Variants in PSMC2 observed in about 807,000 individuals in gnomAD.
PSMC2 encodes the protein proteasome 26S subunit, ATPase 2, also known as 26S proteasome regulatory subunit 7.
Under a neutral mutation model 53.3 loss-of-function variants are expected in PSMC2, and 7 were observed. The ratio of observed to expected loss-of-function variants is 0.13; its 90% CI spans 0.07 to 0.25. The LOEUF (loss-of-function observed/expected upper bound fraction) is 0.25, where lower values mean the gene tolerates loss of function less well. PSMC2 is among the 10% of genes least tolerant of loss of function. The pLI is 1.00. For missense variants in PSMC2, 241 were observed against 544.0 expected, an observed-to-expected ratio of 0.44 and a Z score of 5.54; for synonymous variants, 169 against 183.9, an observed-to-expected ratio of 0.92 and a Z score of 0.66.
chr7:103,348,418 A>T (rs1241993788), intron 1 of PSMC2, among the ~76,000 whole-genome samples: 1 of 152,182 alleles, frequency 6.6e-6, no homozygotes, highest in African/African-American at 2.4e-5. Flanking sequence ...CTTGATTTTT[A>T]AAAAATTAAT....
chr7:103,361,191 A>C (rs1820371466), intron 4 of PSMC2, among the ~76,000 whole-genome samples: 1 of 148,064 alleles, frequency 6.8e-6, no homozygotes, highest in Non-Finnish European at 1.5e-5. Context: ...AACAATAAAA[A>C]TGGATTTAAA....
intron 2 of PSMC2, among the ~76,000 whole-genome samples, 194 bp downstream of exon 2, chr7:103,354,152 C>G (rs1274459288): frequency 3.3e-5 from 5 of 152,086 alleles, no homozygotes; most frequent in Non-Finnish European, 7.4e-5. Flanking sequence ...AATGAAGTTA[C>G]CTACCTAAAG....
rs576073914 is a variant in PSMC2 at position 103,352,825 on chromosome 7, C to T, written c.71-1096C>T. On this transcript the variant is annotated intron_variant, in intron 1 of 11. Transcript: ENST00000292644. ...GTCACCCCACTAACAGATTCCAGAG[C>T]TGGCATTCAAACCCTGTCCACCTGG... 1.9e-5 allele frequency: 15 copies of T among 780,566 alleles called. No individual in the cohort carries two copies. The African/African-American group carries it at 2.5e-4, about 13-fold the overall frequency. 48.4% of individuals were successfully genotyped at this position (780,566 alleles called of 1,614,324 possible). A position where few individuals can be genotyped will look rare whatever the true frequency, so the allele number is the denominator to read the frequency against.
At chr7:103,347,593 TA>T, upstream of PSMC2, 1 of 1,173,502 alleles carries the variant, frequency 8.5e-7, no homozygotes, top group Non-Finnish European at 1.3e-6. Context: ...AAGCACTGCA[TA>T]AAGGGGTCTG....
chr7:103,361,510 CAAA>C (rs759044767), intron 4 of PSMC2, among the ~76,000 whole-genome samples: 5,475 of 51,086 alleles, frequency 0.11, 138 homozygotes, highest in African/African-American at 0.17. Flanking sequence ...AACTCCATCT[CAAA>C]AAAAAAAAAA....
chr7:103,364,981 A>ATATATATATATATATTTATT (rs950613120), intron 8 of PSMC2, among the ~76,000 whole-genome samples: 3 of 140,806 alleles, frequency 2.1e-5, no homozygotes, highest in African/African-American at 7.9e-5. Context: ...ATATATATAT[A>ATATATATATATATATTTATT]TATTTAGAGA....
chr7:103,353,075 G>A, intron 1 of PSMC2: 1 of 744,928 alleles, frequency 1.3e-6, no homozygotes, highest in Non-Finnish European at 2.5e-6. Flanking sequence ...CAGAAATGCA[G>A]AATTTGTGAA....
chr7:103,364,317 AT>A lies in PSMC2; in HGVS notation c.756+13del. The A allele has an allele frequency of 6.2e-7, 1 of 1,613,520 alleles. No homozygotes were observed. Among genetic ancestry groups the A allele is most frequent in the Non-Finnish European group, 8.5e-7 (1 of 1,179,766 alleles). ...GAAATACGTCGGTGAGGTAAAGTAA[AT>A]TTATCAAAGAATATATAGCCTTGTG... On this transcript the variant is annotated intron_variant, in intron 8 of 11. Transcript: ENST00000292644.
chr7:103,352,823 A>G, intron 1 of PSMC2: 1 of 780,670 alleles, frequency 1.3e-6, no homozygotes. Context: ...CAGATTCCAG[A>G]GCTGGCATTC....
At chr7:103,355,214 A>G (rs1034304642) in intron 3 of PSMC2, among the ~76,000 whole-genome samples, 8 of 152,218 alleles carry the variant, frequency 5.3e-5, no homozygotes, top group African/African-American at 1.9e-4. Flanking sequence ...CAGTTCAGTA[A>G]ACTTCAGTTA....
intron 2 of PSMC2, 95 bp downstream of exon 2, chr7:103,354,053 G>A (rs1819884340): frequency 1.4e-5 from 14 of 971,268 alleles, no homozygotes; most frequent in Admixed American, 9.0e-5. Context: ...AAGAAGTTAA[G>A]AAACCAAAAA....
chr7:103,354,507 T>A (rs1468008170), intron 2 of PSMC2, among the ~76,000 whole-genome samples: 1 of 151,982 alleles, frequency 6.6e-6, no homozygotes, highest in Non-Finnish European at 1.5e-5. Context: ...TAGCTGGGAT[T>A]ATGAGCGCCC....
Position 103,368,174 on chromosome 7 carries a change from T to G in PSMC2, c.*120T>G. On this transcript the variant is annotated 3_prime_UTR_variant, in exon 12 of 12. Transcript: ENST00000292644. Reference sequence around the variant, plus strand: ...AATTGTATGCTTTTTTCCATATCTCTTCTTGTAATATAATAAAAGGTGATT... The same window carrying G: ...AATTGTATGCTTTTTTCCATATCTCGTCTTGTAATATAATAAAAGGTGATT... The G allele has an allele frequency of 1.2e-6, 1 of 850,020 alleles. No homozygotes were observed. The highest frequency in any genetic ancestry group is 1.7e-6 in the Non-Finnish European group (1 of 572,162). The allele number at this position is 850,020 out of a possible 1,614,324, so 52.7% of individuals were successfully genotyped here. A position where few individuals can be genotyped will look rare whatever the true frequency, so the allele number is the denominator to read the frequency against.
At chr7:103,358,955 A>C (rs1289399131) in intron 4 of PSMC2, among the ~76,000 whole-genome samples, 2 of 151,334 alleles carry the variant, frequency 1.3e-5, no homozygotes, top group South Asian at 2.1e-4. Flanking sequence ...CTCTTGATAA[A>C]ATTTGTGTAT....
intron 4 of PSMC2, among the ~76,000 whole-genome samples, chr7:103,360,717 T>C (rs189847504): frequency 1.3e-4 from 20 of 152,370 alleles, no homozygotes; most frequent in African/African-American, 4.6e-4. Flanking sequence ...ATAGATACTA[T>C]AGAAGGGGAA....
At chr7:103,348,336 A>G (rs894641531) in intron 1 of PSMC2, among the ~76,000 whole-genome samples, 1 of 152,206 alleles carries the variant, frequency 6.6e-6, no homozygotes, top group African/African-American at 2.4e-5. Flanking sequence ...TATTCTATAC[A>G]TATACAAGCA....
chr7:103,354,029 T>G (rs1325530747), intron 2 of PSMC2, 71 bp downstream of exon 2: 1 of 1,176,614 alleles, frequency 8.5e-7, no homozygotes, highest in Non-Finnish European at 1.2e-6. Context: ...GTATTGTCCT[T>G]CCAAAATAAT....
At chr7:103,352,873 A>G (rs774199913) in intron 1 of PSMC2, 1 of 780,948 alleles carries the variant, frequency 1.3e-6, no homozygotes, top group East Asian at 2.4e-5. Context: ...AACTGCTTGG[A>G]TTACACGGCA....
chr7:103,355,093 A>C, intron 3 of PSMC2, 144 bp downstream of exon 3: 52 of 645,958 alleles, frequency 8.1e-5, no homozygotes, highest in Non-Finnish European at 8.6e-5. Context: ...ATTAGATCTC[A>C]TTTAACCATA....
Sources: allele counts gnomAD v4.1 joint callset (sites outside exome capture counted in the v4.1 genomes callset), GRCh38; gene constraint gnomAD v4.1.1; transcripts MANE v1.5; gene names NCBI Gene and HGNC (gene_info 2026-07-23, HGNC 2026-07-21).